MYO15B: variants seen among roughly 807,000 people sequenced by gnomAD.
The protein encoded by MYO15B is myosin XVB pseudogene.
Under a neutral mutation model 119.3 loss-of-function variants are expected in MYO15B, and 207 were observed. That is an observed-to-expected ratio of 1.73 (90% CI 1.55 to 1.95). The LOEUF is 1.95. Ranked by LOEUF, MYO15B falls within the 30% of genes most tolerant of loss-of-function variation. The probability of loss-of-function intolerance (pLI) is 0.00; values close to 1 mark genes in which losing one functional copy is unlikely to be tolerated. For synonymous variants in MYO15B, 966 were observed against 498.9 expected, an observed-to-expected ratio of 1.94 and a Z score of -12.48; for missense variants, 2,264 against 1,203.1, an observed-to-expected ratio of 1.88 and a Z score of -13.04.
chr17:75,613,827 T>A (rs1243634200), intron 29 of MYO15B, 50 bp downstream of exon 29: 2 of 660,506 alleles, frequency 3.0e-6, no homozygotes, highest in Non-Finnish European at 5.5e-6. Context: ...ACCCTTGTCC[T>A]ATACCCTCCT....
At chr17:75,615,363 A>T (rs768584722) in intron 34 of MYO15B, 25 bp downstream of exon 34, 1 of 700,086 alleles carries the variant, frequency 1.4e-6, no homozygotes, top group Non-Finnish European at 2.6e-6. Context: ...GGGGCACCAG[A>T]GTCCCTTCTC....
chr17:75,615,099 A>C, intron 33 of MYO15B, 57 bp downstream of exon 33: 2 of 691,696 alleles, frequency 2.9e-6, no homozygotes, highest in Admixed American at 4.1e-5. Context: ...CATGGCAGGC[A>C]TGGCCTGGGA....
rs1292455936 is a variant in MYO15B, at chr17:75,625,673, C to G, written c.8938+13C>G. 1.4e-6 allele frequency: 1 copy of G among 702,866 alleles called. No homozygotes were observed. Among genetic ancestry groups the G allele is most frequent in the East Asian group, 2.7e-5 (1 of 37,284 alleles). 43.5% of individuals were successfully genotyped at this position (702,866 alleles called of 1,614,324 possible). ...ATCAGCTTCATTGGTGGGTCTGGGA[C>G]TAGGGGACCGCTGGGTGGGGGCTGG... On this transcript the variant is annotated intron_variant, in intron 61 of 63. Transcript: ENST00000645453.
At chr17:75,590,229 C>G in exon 1 of MYO15B, 1 of 399,098 alleles carries the variant, frequency 2.5e-6, no homozygotes, top group Non-Finnish European at 4.4e-6. Flanking sequence ...ACATGGAGGA[C>G]CTGGCGCGGT....
chr17:75,591,514 T>A (rs2056448941), intron 4 of MYO15B, 87 bp from the exon 5 acceptor site: 2 of 694,134 alleles, frequency 2.9e-6, no homozygotes, highest in Non-Finnish European at 5.3e-6. Context: ...AGCTGTCACT[T>A]CTGGGTGGCA....
At chr17:75,620,474 G>C (rs946298043) in exon 49 of MYO15B, 3 of 702,712 alleles carry the variant, frequency 4.3e-6, no homozygotes, top group Admixed American at 4.0e-5. Context: ...CAGGCTGGCA[G>C]TTTGGCTCTG....
chr17:75,611,495 G>A (rs1217350209), intron 23 of MYO15B, 106 bp from the exon 24 acceptor site: 2 of 637,892 alleles, frequency 3.1e-6, no homozygotes, highest in Non-Finnish European at 5.6e-6. Flanking sequence ...AAAAATCCGT[G>A]GTCTTTGGAA....
At chr17:75,626,679 C>A (rs1297500948) in exon 64 of MYO15B, among the ~76,000 whole-genome samples, 1 of 152,250 alleles carries the variant, frequency 6.6e-6, no homozygotes, top group African/African-American at 2.4e-5. Context: ...CAGACCCTCT[C>A]CAGGACGGCC....
intron 21 of MYO15B, 100 bp downstream of exon 21, chr17:75,606,121 G>A (rs2057631397): frequency 6.7e-6 from 4 of 596,414 alleles, no homozygotes; most frequent in Admixed American, 2.7e-5. Flanking sequence ...GGGCCTCAAG[G>A]CAAGTCATCC....
chr17:75,591,041 C>G (rs1390592205), intron 3 of MYO15B, 25 bp downstream of exon 3: 2 of 654,778 alleles, frequency 3.1e-6, no homozygotes, highest in Non-Finnish European at 5.6e-6. Context: ...CCCACTGACC[C>G]TCTGCTCACC....
exon 59 of MYO15B, chr17:75,624,821 G>C: frequency 1.4e-6 from 1 of 703,018 alleles, no homozygotes; most frequent in Admixed American, 2.0e-5. Flanking sequence ...CAGCGTGGTA[G>C]TGGACCAGGA....
exon 34 of MYO15B, chr17:75,615,280 C>T (rs1335976960): frequency 1.4e-6 from 1 of 702,760 alleles, no homozygotes; most frequent in East Asian, 2.7e-5. Flanking sequence ...ACCAGCCAGG[C>T]ATGGTCCCTG....
intron 52 of MYO15B, chr17:75,621,796 G>A: frequency 1.7e-6 from 1 of 605,326 alleles, no homozygotes; most frequent in South Asian, 1.9e-5. Context: ...GGGTCCAGAG[G>A]ATGCTATGTG....
At chr17:75,593,012 C>T (rs2056579257) in intron 9 of MYO15B, 172 bp downstream of exon 9, 2 of 567,464 alleles carry the variant, frequency 3.5e-6, no homozygotes, top group South Asian at 4.6e-5. Context: ...AGCTTCTCCA[C>T]TCTCCCAATG....
At chr17:75,619,521 C>A (rs1267113735) in intron 45 of MYO15B, 45 bp downstream of exon 45, 1 of 694,036 alleles carries the variant, frequency 1.4e-6, no homozygotes, top group Admixed American at 2.0e-5. Flanking sequence ...GGCCCCCAGC[C>A]TGGATCCTGG....
At chr17:75,590,792 G>A (rs533908258) in intron 2 of MYO15B, 103 bp downstream of exon 2, 17 of 193,320 alleles carry the variant, frequency 8.8e-5, no homozygotes, top group Admixed American at 5.9e-4. Flanking sequence ...CTTCCTCCCC[G>A]GGCTAGGCGG....
chr17:75,620,659 A>G (rs769546162), intron 49 of MYO15B, 23 bp downstream of exon 49: 236 of 694,814 alleles, frequency 3.4e-4, no homozygotes, highest in Non-Finnish European at 4.6e-4. Context: ...GGAGAGGGAC[A>G]AGCAGAGGCA....
chr17:75,625,108 G>A lies in MYO15B; in HGVS notation c.8689-15G>A, dbSNP rs954442516. The A allele has an allele frequency of 4.4e-5, 30 of 682,346 alleles. No individual in the cohort carries two copies. Among genetic ancestry groups the A allele is most frequent in the South Asian group, 2.3e-4 (15 of 65,776 alleles). 42.3% of individuals were successfully genotyped at this position (682,346 alleles called of 1,614,324 possible). The stretch of plus-strand genomic sequence containing the variant: ...TTGGACCACCGCTGCCCTCCTCACC[G>A]TGCTCCCCGCACAGGTGCTGTGGGA... On this transcript the variant is annotated splice_polypyrimidine_tract_variant and intron_variant, in intron 59 of 63. Coordinates refer to ENST00000645453, the Ensembl canonical transcript of MYO15B.
exon 64 of MYO15B, chr17:75,626,467 T>G (rs1568247218): frequency 1.4e-6 from 1 of 703,242 alleles, no homozygotes; most frequent in South Asian, 1.5e-5. Context: ...TTGCACTGAG[T>G]GGCCCAGCAT....
Sources: allele counts gnomAD v4.1 joint callset (sites outside exome capture counted in the v4.1 genomes callset), GRCh38; gene constraint gnomAD v4.1.1; transcripts MANE v1.5; gene names NCBI Gene and HGNC (gene_info 2026-07-23, HGNC 2026-07-21).